The following FKBP1A variants were observed in gnomAD, a reference collection of about 807,000 sequenced individuals.
The protein encoded by FKBP1A is peptidyl-prolyl cis-trans isomerase FKBP1A.
FKBP1A carries 5 observed loss-of-function variants against 14.2 expected under a neutral mutation model. The ratio of observed to expected loss-of-function variants is 0.35; its 90% CI spans 0.18 to 0.74. The LOEUF is 0.74. Among genes scored for constraint, FKBP1A ranks in the 30% least tolerant of loss-of-function variants. FKBP1A has a pLI of 0.56. For synonymous variants in FKBP1A, 42 were observed against 49.1 expected (o/e 0.86, Z 0.60); for missense variants, 53 against 138.8 (o/e 0.38, Z 3.10).
Position 1,370,564 on chromosome 20 carries a change from T to C in FKBP1A, c.*37-492A>G, listed in dbSNP as rs906720667. 12 of 985,338 alleles carry C rather than the reference T, an allele frequency of 1.2e-5. No homozygotes were observed. The African/African-American group carries it at 1.4e-4, about 11-fold the overall frequency. 61.0% of individuals were successfully genotyped at this position (985,338 alleles called of 1,614,324 possible). A position where few individuals can be genotyped will look rare whatever the true frequency, so the allele number is the denominator to read the frequency against. On this transcript the variant is annotated intron_variant, in intron 4 of 4. Transcript: ENST00000400137. Reference sequence around the variant, plus strand: ...GAGAATAAACTGGTCATTCATAATGTTGAGTATACTGGGAAAATATCTCCA... The same window carrying C: ...GAGAATAAACTGGTCATTCATAATGCTGAGTATACTGGGAAAATATCTCCA...
intron 2 of FKBP1A, among the ~76,000 whole-genome samples, chr20:1,376,286 T>C (rs1213134051): frequency 6.6e-6 from 1 of 152,258 alleles, no homozygotes; most frequent in Non-Finnish European, 1.5e-5. Context: ...TGGCCCCTTG[T>C]AGGCTGGTTC....
In FKBP1A at chr20:1,369,405, A is replaced by C. The variant is rs1346846351; in HGVS notation, c.*704T>G. The C allele has an allele frequency of 1.2e-5, 2 of 163,498 alleles. No individual in the cohort carries two copies. The highest frequency in any genetic ancestry group is 3.0e-5 in the Non-Finnish European group (2 of 67,626). 10.1% of individuals were successfully genotyped at this position (163,498 alleles called of 1,614,324 possible). Reference sequence around the variant, plus strand: ...TGAAAAAAAAAAAAGGCCACAAAGAAGGCTTCAGAGGTCCCTGCTGGCCCA... The same window carrying C: ...TGAAAAAAAAAAAAGGCCACAAAGACGGCTTCAGAGGTCCCTGCTGGCCCA... On this transcript the variant is annotated 3_prime_UTR_variant, in exon 5 of 5. Transcript: ENST00000400137.
At chr20:1,371,726 AG>A in intron 4 of FKBP1A, 2 of 1,005,658 alleles carry the variant, frequency 2.0e-6, no homozygotes, top group Non-Finnish European at 2.4e-6. Context: ...TCATTCATTA[AG>A]AGTCTTATTT....
At position 1,369,940 on chromosome 20, in the gene FKBP1A, G is replaced by A. The variant is rs1191432672; in HGVS notation, c.*169C>T. ...AAGGGGAAGAGGAAACAGAGGTGTCGGAAGCAAAGCTGAGTGACAGAACAC... is the reference window on the plus strand; with the variant it reads ...AAGGGGAAGAGGAAACAGAGGTGTCAGAAGCAAAGCTGAGTGACAGAACAC... On this transcript the variant is annotated 3_prime_UTR_variant, in exon 5 of 5. Coordinates refer to ENST00000400137, the MANE Select transcript of FKBP1A (RefSeq NM_000801.5). The A allele has an allele frequency of 2.0e-5, 28 of 1,411,632 alleles. No individual in the cohort carries two copies. Among genetic ancestry groups the A allele is most frequent in the East Asian group, 1.0e-4 (4 of 39,732 alleles). The allele number at this position is 1,411,632 out of a possible 1,614,324, so 87.4% of individuals were successfully genotyped here.
At chr20:1,388,408 T>C (rs1248848637) in intron 2 of FKBP1A, among the ~76,000 whole-genome samples, 1 of 152,220 alleles carries the variant, frequency 6.6e-6, no homozygotes, top group East Asian at 1.9e-4. Flanking sequence ...TCAATGGAAC[T>C]GTGGTTTTAA....
At chr20:1,384,579 T>C (rs2089650439) in intron 2 of FKBP1A, among the ~76,000 whole-genome samples, 1 of 152,254 alleles carries the variant, frequency 6.6e-6, no homozygotes. Context: ...CATGTCACTT[T>C]TATGTTAGCA....
chr20:1,373,762 G>A (rs539179220), intron 3 of FKBP1A, among the ~76,000 whole-genome samples: 1 of 152,360 alleles, frequency 6.6e-6, no homozygotes, highest in East Asian at 1.9e-4. Flanking sequence ...TGCTGGAGCA[G>A]TCACAGAAGA....
At chr20:1,382,948 C>G (rs1018208627) in intron 2 of FKBP1A, among the ~76,000 whole-genome samples, 6 of 152,166 alleles carry the variant, frequency 3.9e-5, no homozygotes, top group Non-Finnish European at 7.3e-5. Context: ...TTTCCTGTTG[C>G]TTTTCAAGGA....
chr20:1,377,777 A>C (rs953026659), intron 2 of FKBP1A: 1 of 152,190 alleles, frequency 6.6e-6, no homozygotes, highest in Non-Finnish European at 1.5e-5. Flanking sequence ...AACAGAAATA[A>C]GGAAACCGAC....
chr20:1,391,182 A>G (rs1250725466), intron 2 of FKBP1A, among the ~76,000 whole-genome samples: 1 of 152,154 alleles, frequency 6.6e-6, no homozygotes, highest in African/African-American at 2.4e-5. Context: ...GTGGCTATGT[A>G]CAAGCTAGGG....
chr20:1,393,032 G>A lies in FKBP1A; in HGVS notation c.-34C>T. 7 of 1,399,248 alleles carry A rather than the reference G, an allele frequency of 5.0e-6. No homozygotes were observed. The highest frequency in any genetic ancestry group is 6.6e-6 in the Non-Finnish European group (7 of 1,060,060). 86.7% of individuals were successfully genotyped at this position (1,399,248 alleles called of 1,614,324 possible). A position where few individuals can be genotyped will look rare whatever the true frequency, so the allele number is the denominator to read the frequency against. ...CGGACGCTGAGCGGGCGGGCGGCGC[G>A]ACGGGCGGCGTGGACCAACAGCGAC... is the stretch of plus-strand genomic sequence containing the variant. On this transcript the variant is annotated 5_prime_UTR_variant, in exon 1 of 5. Transcript: ENST00000400137.
At chr20:1,375,350 G>A (rs2089525977) in intron 3 of FKBP1A, 141 bp downstream of exon 3, 1 of 635,304 alleles carries the variant, frequency 1.6e-6, no homozygotes, top group African/African-American at 1.8e-5. Context: ...GGAGCTTCTT[G>A]TGGGGGTATT....
intron 3 of FKBP1A, among the ~76,000 whole-genome samples, chr20:1,373,651 C>G (rs1395461352): frequency 1.3e-5 from 2 of 152,210 alleles, no homozygotes; most frequent in Non-Finnish European, 2.9e-5. Flanking sequence ...CTGTCCAATA[C>G]TCGACCATGC....
At chr20:1,370,931 G>A in intron 4 of FKBP1A, 2 of 985,490 alleles carry the variant, frequency 2.0e-6, no homozygotes, top group Non-Finnish European at 2.4e-6. Flanking sequence ...AGCAATGACA[G>A]GTGAAGAAAC....
At chr20:1,372,362 G>A (rs2089477550) in intron 3 of FKBP1A, 122 bp from the exon 4 acceptor site, 2 of 1,030,614 alleles carry the variant, frequency 1.9e-6, no homozygotes, top group Non-Finnish European at 1.4e-6. Context: ...CAGTGACTTT[G>A]CAGCTGCCCA....
chr20:1,381,485 G>A (rs997859426), intron 2 of FKBP1A, among the ~76,000 whole-genome samples: 3 of 152,222 alleles, frequency 2.0e-5, no homozygotes, highest in Non-Finnish European at 4.4e-5. Flanking sequence ...TACACTGCTA[G>A]TGGGAATATA....
chr20:1,387,819 G>A (rs2089684183), intron 2 of FKBP1A, among the ~76,000 whole-genome samples: 1 of 152,176 alleles, frequency 6.6e-6, no homozygotes, highest in Non-Finnish European at 1.5e-5. Flanking sequence ...TCCAGCCTGA[G>A]TGACAGAGAC....
intron 3 of FKBP1A, among the ~76,000 whole-genome samples, chr20:1,372,500 A>G (rs1174382495): frequency 6.6e-6 from 1 of 151,960 alleles, no homozygotes; most frequent in African/African-American, 2.4e-5. Flanking sequence ...CAGGCCCTCA[A>G]CCTTTCTACG....
chr20:1,371,387 T>C (rs1317468857), intron 4 of FKBP1A, among the ~76,000 whole-genome samples: 3 of 152,216 alleles, frequency 2.0e-5, no homozygotes, highest in Non-Finnish European at 4.4e-5. Flanking sequence ...CCCTGTTTCC[T>C]TACTGTTGCA....
Sources: allele counts gnomAD v4.1 joint callset (sites outside exome capture counted in the v4.1 genomes callset), GRCh38; gene constraint gnomAD v4.1.1; transcripts MANE v1.5; gene names NCBI Gene and HGNC (gene_info 2026-07-23, HGNC 2026-07-21).